IL18RAP: variants seen among roughly 807,000 people sequenced by gnomAD.
The protein encoded by IL18RAP is interleukin 18 receptor accessory protein, also known as interleukin-18 receptor accessory protein.
IL18RAP carries 37 observed loss-of-function variants against 58.1 expected under a neutral mutation model. The ratio of observed to expected loss-of-function variants is 0.64; its 90% CI spans 0.49 to 0.84. The LOEUF is 0.84. Among genes scored for constraint, IL18RAP ranks in the 40% least tolerant of loss-of-function variants. The pLI, the probability that IL18RAP is intolerant of heterozygous loss-of-function variation, is 0.00. For synonymous variants in IL18RAP, 268 were observed against 257.5 expected, an observed-to-expected ratio of 1.04 and a Z score of -0.39; for missense variants, 667 against 704.8, an observed-to-expected ratio of 0.95 and a Z score of 0.61.
rs750787247 is a variant in IL18RAP at position 102,450,933 on chromosome 2, C to A, written c.1296C>A (p.His432Gln). 2.2e-5 allele frequency: 35 copies of A among 1,612,664 alleles called. No homozygotes were observed. Among genetic ancestry groups the A allele is most frequent in the Non-Finnish European group, 2.7e-5 (32 of 1,179,398 alleles). The change falls in exon 9 of 10, where the codon CAC (histidine) becomes CAA (glutamine). Residue 432 changes from histidine to glutamine, a missense_variant. Coordinates refer to ENST00000687160, the MANE Select transcript of IL18RAP (RefSeq NM_001393487.1). ...SEATSSLSEE[H>Q]LALSLFPDVL... is the part of the protein sequence containing the mutation. ...CCACTTCATCTCTGAGTGAAGAACA[C>A]TTGGCCCTGAGCCTATTTCCTGATG...
In IL18RAP at chr2:102,441,389, C is replaced by T. The variant is rs1683093409; in HGVS notation, c.796+12C>T. On this transcript the variant is annotated intron_variant, in intron 5 of 9. Transcript: ENST00000687160. Reference sequence around the variant, plus strand: ...GGAAGTAGAACTTGGTAAGCTGGGCCTCATCGCCTTTGAATGACATCGTGC... The same window carrying T: ...GGAAGTAGAACTTGGTAAGCTGGGCTTCATCGCCTTTGAATGACATCGTGC... 6.2e-7 allele frequency: 1 copy of T among 1,608,960 alleles called. No homozygotes were observed. The highest frequency in any genetic ancestry group is 8.5e-7 in the Non-Finnish European group (1 of 1,175,608).
chr2:102,423,486 T>G, intron 1 of IL18RAP, 139 bp downstream of exon 1: 1 of 801,224 alleles, frequency 1.2e-6, no homozygotes, highest in Non-Finnish European at 2.1e-6. Context: ...GAGAGGAGAA[T>G]TATTAGGGTG....
Position 102,443,237 on chromosome 2 carries a change from C to A in IL18RAP, c.834C>A (p.Gly278=). 1 of 1,613,586 alleles carries A rather than the reference C, an allele frequency of 6.2e-7. No homozygotes were observed. Among genetic ancestry groups the A allele is most frequent in the East Asian group, 2.2e-5 (1 of 44,858 alleles). ...PLTISCKARF[G]FERVFNPVIK... ...CTATTAGCTGCAAAGCACGATTTGGCTTTGAAAGGGTCTTTAACCCTGTCA... is the reference window on the plus strand; with the variant it reads ...CTATTAGCTGCAAAGCACGATTTGGATTTGAAAGGGTCTTTAACCCTGTCA... Residue 278 remains glycine, a synonymous_variant, in exon 6 of 10, where the codon GGC becomes GGA. Transcript: ENST00000687160.
intron 3 of IL18RAP, among the ~76,000 whole-genome samples, chr2:102,432,556 G>T (rs1682449031): frequency 6.6e-6 from 1 of 152,170 alleles, no homozygotes; most frequent in South Asian, 2.1e-4. Context: ...ATTTGGGATG[G>T]GCAGGGGGAG....
At chr2:102,437,005 C>A (rs1682790464) in intron 3 of IL18RAP, among the ~76,000 whole-genome samples, 1 of 152,132 alleles carries the variant, frequency 6.6e-6, no homozygotes, top group African/African-American at 2.4e-5. Context: ...CATCTCTACA[C>A]ATAATGCAAT....
At chr2:102,433,066 T>A (rs1484447262) in intron 3 of IL18RAP, among the ~76,000 whole-genome samples, 1 of 151,774 alleles carries the variant, frequency 6.6e-6, no homozygotes, top group Non-Finnish European at 1.5e-5. Context: ...GAGATATGAG[T>A]TTTGACGACA....
chr2:102,420,053 A>G (rs1318390833), upstream of IL18RAP, among the ~76,000 whole-genome samples: 1 of 152,228 alleles, frequency 6.6e-6, no homozygotes, highest in Admixed American at 6.5e-5. Flanking sequence ...AGCATGGAAG[A>G]CATCACTTAG....
At chr2:102,444,781 T>C (rs528525386) in intron 6 of IL18RAP, among the ~76,000 whole-genome samples, 1 of 152,328 alleles carries the variant, frequency 6.6e-6, no homozygotes, top group East Asian at 1.9e-4. Flanking sequence ...ATTATGATCC[T>C]ATTATACTCT....
intron 1 of IL18RAP, 149 bp downstream of exon 1, chr2:102,423,496 G>A (rs886705400): frequency 1.9e-5 from 15 of 775,680 alleles, no homozygotes; most frequent in Middle Eastern, 2.7e-4. Context: ...TTATTAGGGT[G>A]AACAGCTTTC....
rs1203467494 is a variant in IL18RAP at position 102,445,175 on chromosome 2, T to G, written c.921-14T>G. The G allele has an allele frequency of 1.2e-6, 2 of 1,611,796 alleles. No individual in the cohort carries two copies. The highest frequency in any genetic ancestry group is 2.2e-5 in the South Asian group (2 of 90,980). Reference sequence around the variant, plus strand: ...ATGTTACTGAATGGAGTGGTATTTTTTCTCCTTTCTCAGTATTAAATCCAC... The same window carrying G: ...ATGTTACTGAATGGAGTGGTATTTTGTCTCCTTTCTCAGTATTAAATCCAC... On this transcript the variant is annotated splice_polypyrimidine_tract_variant and intron_variant, in intron 6 of 9. Transcript: ENST00000687160.
At chr2:102,431,226 A>G (rs1431778430) in intron 3 of IL18RAP, among the ~76,000 whole-genome samples, 1 of 152,128 alleles carries the variant, frequency 6.6e-6, no homozygotes, top group Non-Finnish European at 1.5e-5. Context: ...TTTTCCTTCA[A>G]CACTGAATAT....
chr2:102,443,527 C>T (rs139495199), intron 6 of IL18RAP, among the ~76,000 whole-genome samples: 4 of 152,278 alleles, frequency 2.6e-5, no homozygotes, highest in East Asian at 1.9e-4. Context: ...AACAGTTTGA[C>T]GTGGCTGCTC....
chr2:102,441,699 C>A (rs998871911), intron 5 of IL18RAP, among the ~76,000 whole-genome samples: 2 of 151,988 alleles, frequency 1.3e-5, no homozygotes, highest in Admixed American at 1.3e-4. Flanking sequence ...ACCAGCCTGG[C>A]CAACATGGTG....
rs1683081029 is a variant in IL18RAP at position 102,441,184 on chromosome 2, T to C, written c.731-128T>C. The C allele has an allele frequency of 2.3e-5, 15 of 649,602 alleles. No individual in the cohort carries two copies. In the South Asian group the frequency reaches 2.5e-4, roughly 11 times the overall value. 40.2% of individuals were successfully genotyped at this position (649,602 alleles called of 1,614,324 possible). A position where few individuals can be genotyped will look rare whatever the true frequency, so the allele number is the denominator to read the frequency against. On this transcript the variant is annotated intron_variant, in intron 4 of 9. Coordinates refer to ENST00000687160, the MANE Select transcript of IL18RAP (RefSeq NM_001393487.1). The stretch of plus-strand genomic sequence containing the variant: ...GAAACCGGAATTCCTAACTTACAGG[T>C]AATTAGTAAAATGTGAAGACAGAGC...
intron 8 of IL18RAP, among the ~76,000 whole-genome samples, chr2:102,449,161 A>G (rs1055928514): frequency 6.6e-6 from 1 of 151,822 alleles, no homozygotes; most frequent in African/African-American, 2.4e-5. Flanking sequence ...CCAGCTACTC[A>G]GGAGGCTGAG....
At position 102,452,004 on chromosome 2, in the gene IL18RAP, C is replaced by T; in HGVS notation, c.1623C>T (p.Gly541=). 1.2e-6 allele frequency: 2 copies of T among 1,614,148 alleles called. No homozygotes were observed. Among genetic ancestry groups the T allele is most frequent in the Non-Finnish European group, 1.7e-6 (2 of 1,180,036 alleles). ...LRVLPTVTWR[G]LKSVPPNSRF... ...TTTTGCCCACAGTTACTTGGAGAGG[C>T]TTAAAATCAGTTCCTCCCAATTCTA... is the stretch of plus-strand genomic sequence containing the variant. The change falls in exon 10 of 10, where the codon GGC becomes GGT. Residue 541 remains glycine (G), a synonymous_variant. Coordinates refer to ENST00000687160, the MANE Select transcript of IL18RAP (RefSeq NM_001393487.1).
chr2:102,427,741 C>G (rs977841268), intron 3 of IL18RAP, among the ~76,000 whole-genome samples: 2 of 151,914 alleles, frequency 1.3e-5, no homozygotes, highest in African/African-American at 4.8e-5. Flanking sequence ...GTTGCCTGTG[C>G]TTTCAGGGTC....
chr2:102,437,224 C>A lies in IL18RAP; in HGVS notation c.592C>A (p.Leu198Ile). 1.2e-6 allele frequency: 2 copies of A among 1,609,420 alleles called. No homozygotes were observed. Among genetic ancestry groups the A allele is most frequent in the Non-Finnish European group, 1.7e-6 (2 of 1,178,522 alleles). Reference sequence around the variant, plus strand: ...TCTTTTGGATTAGAATGGAAAACTCCTCTCTGTGGAAAGGAGCAACCGAAT... The same window carrying A: ...TCTTTTGGATTAGAATGGAAAACTCATCTCTGTGGAAAGGAGCAACCGAAT... ...AVTWYKNGKL[L>I]SVERSNRIVV... The change falls in exon 4 of 10, where the codon CTC becomes ATC. Residue 198 changes from leucine (L) to isoleucine (I), a missense_variant. Transcript: ENST00000687160.
intron 6 of IL18RAP, among the ~76,000 whole-genome samples, chr2:102,444,164 T>G (rs1683276007): frequency 6.6e-6 from 1 of 152,234 alleles, no homozygotes; most frequent in Non-Finnish European, 1.5e-5. Flanking sequence ...AATATCATTT[T>G]GAAAAGTATA....
Sources: allele counts gnomAD v4.1 joint callset (sites outside exome capture counted in the v4.1 genomes callset), GRCh38; gene constraint gnomAD v4.1.1; transcripts MANE v1.5; gene names NCBI Gene and HGNC (gene_info 2026-07-23, HGNC 2026-07-21).